ATRNL1: variants seen among roughly 807,000 people sequenced by gnomAD.
ATRNL1 encodes attractin-like protein 1.
A neutral mutation model predicts 182.7 loss-of-function variants in ATRNL1; 95 were observed. The ratio of observed to expected loss-of-function variants is 0.52; its 90% CI spans 0.44 to 0.62. ATRNL1 has a LOEUF of 0.62. Among genes scored for constraint, ATRNL1 ranks in the 20% least tolerant of loss-of-function variants. The pLI is 0.00. For synonymous variants in ATRNL1, 576 were observed against 568.3 expected (o/e 1.01, Z -0.19); for missense variants, 1,471 against 1,679.5 (o/e 0.88, Z 2.17).
chr10:115,367,968 T>C (rs1857151717), intron 19 of ATRNL1, among the ~76,000 whole-genome samples: 1 of 151,852 alleles, frequency 6.6e-6, no homozygotes. Flanking sequence ...TACTGCTGTC[T>C]TTTTGTTTGT....
At chr10:115,652,255 G>T (rs1463918936) in intron 26 of ATRNL1, among the ~76,000 whole-genome samples, 3 of 151,050 alleles carry the variant, frequency 2.0e-5, no homozygotes, top group Non-Finnish European at 4.4e-5. Flanking sequence ...CCATTATACT[G>T]ACACAGTCTA....
chr10:115,878,164 T>A (rs1951741555), intron 28 of ATRNL1, among the ~76,000 whole-genome samples: 1 of 152,228 alleles, frequency 6.6e-6, no homozygotes, highest in Admixed American at 6.5e-5. Context: ...AATGGAAGAA[T>A]CTTTGCTGAA....
chr10:115,875,503 T>C (rs1555107008), intron 28 of ATRNL1, among the ~76,000 whole-genome samples: 1 of 152,100 alleles, frequency 6.6e-6, no homozygotes, highest in East Asian at 1.9e-4. Context: ...CCCAAAGAAA[T>C]TCCCCAAACT....
At chr10:115,178,576 T>G (rs1554887255) in intron 8 of ATRNL1, among the ~76,000 whole-genome samples, 3 of 152,186 alleles carry the variant, frequency 2.0e-5, no homozygotes, top group Non-Finnish European at 4.4e-5. Context: ...AAATTCATGT[T>G]GAAACCTAAT....
In ATRNL1 at chr10:115,426,266, C is replaced by A. The variant is rs1554962881; in HGVS notation, c.3286C>A (p.Arg1096Ser). The A allele has an allele frequency of 1.9e-6, 3 of 1,611,878 alleles. No homozygotes were observed. In the Admixed American group the frequency reaches 5.0e-5, roughly 27 times the overall value. The change falls in exon 21 of 29, where the codon CGC becomes AGC. Residue 1096 changes from arginine to serine, a missense_variant. Arg to Ser is a moderately radical substitution (Grantham distance 110, BLOSUM62 -1). Transcript: ENST00000355044. ...DQCQLCDSEN[R>S]YVGNPLRGTC... ...TTTCTGCAGATGTGACTCTGAAAAT[C>A]GCTATGTTGGTAATCCACTTAGAGG... is the stretch of plus-strand genomic sequence containing the variant.
At chr10:115,651,735 A>G (rs1219986708) in intron 26 of ATRNL1, among the ~76,000 whole-genome samples, 1 of 152,166 alleles carries the variant, frequency 6.6e-6, no homozygotes, top group Non-Finnish European at 1.5e-5. Flanking sequence ...ATGTGTTTCT[A>G]TTGGGATTAA....
At chr10:115,885,607 T>C (rs1951925710) in intron 28 of ATRNL1, among the ~76,000 whole-genome samples, 1 of 152,186 alleles carries the variant, frequency 6.6e-6, no homozygotes, top group South Asian at 2.1e-4. Flanking sequence ...CAGAAGAAAA[T>C]AGAAATCACT....
chr10:115,094,063 C>A lies in ATRNL1; in HGVS notation c.293+20C>A. The stretch of plus-strand genomic sequence containing the variant: ...GTTCAAGTAAGTGCCTTCGCCGGAC[C>A]CCGAACCTCCAGCCCTGCCTCGCTC... On this transcript the variant is annotated intron_variant, in intron 1 of 28. Transcript: ENST00000355044. The A allele has an allele frequency of 2.1e-6, 3 of 1,436,808 alleles. No homozygotes were observed. Among genetic ancestry groups the A allele is most frequent in the Non-Finnish European group, 2.8e-6 (3 of 1,088,306 alleles). 89.0% of individuals were successfully genotyped at this position (1,436,808 alleles called of 1,614,324 possible). A position where few individuals can be genotyped will look rare whatever the true frequency, so the allele number is the denominator to read the frequency against.
chr10:115,108,311 TTCA>T (rs1450980155), intron 1 of ATRNL1, among the ~76,000 whole-genome samples: 2 of 152,142 alleles, frequency 1.3e-5, no homozygotes, highest in Non-Finnish European at 2.9e-5. Context: ...TACCCTGGGG[TTCA>T]TCATCATGCA....
chr10:115,240,418 A>G (rs1475050968), intron 9 of ATRNL1, among the ~76,000 whole-genome samples: 4 of 151,672 alleles, frequency 2.6e-5, no homozygotes, highest in Non-Finnish European at 4.4e-5. Context: ...TGCCCGGGTA[A>G]TTTTTTGTGT....
chr10:115,322,123 T>C (rs1554931702), intron 18 of ATRNL1, among the ~76,000 whole-genome samples: 1 of 152,124 alleles, frequency 6.6e-6, no homozygotes, highest in African/African-American at 2.4e-5. Context: ...TTCAGATTTA[T>C]ATTACTACCA....
intron 10 of ATRNL1, among the ~76,000 whole-genome samples, chr10:115,260,159 C>A (rs967051645): frequency 2.6e-5 from 4 of 152,094 alleles, no homozygotes; most frequent in African/African-American, 7.2e-5. Flanking sequence ...TATTACTGTA[C>A]TGTAATGTTT....
intron 1 of ATRNL1, among the ~76,000 whole-genome samples, chr10:115,103,161 C>T (rs1385926153): frequency 2.6e-5 from 4 of 151,678 alleles, no homozygotes; most frequent in Non-Finnish European, 5.9e-5. Context: ...CCTCAGCCTC[C>T]TGAGTAGCTG....
chr10:115,573,601 T>G (rs1438274431), intron 26 of ATRNL1, among the ~76,000 whole-genome samples: 1 of 152,088 alleles, frequency 6.6e-6, no homozygotes, highest in African/African-American at 2.4e-5. Flanking sequence ...CTACCCAGTA[T>G]TTCCCTGTCT....
At position 115,268,308 on chromosome 10, in the gene ATRNL1, C is replaced by T. The variant is rs1554911543; in HGVS notation, c.1982-18C>T. ...TTTCTTTTCCGTGCTGATATATCGT[C>T]CCCCATTTGTATTATAGCTGCTTCT... On this transcript the variant is annotated intron_variant, in intron 12 of 28. Transcript: ENST00000355044. 4 of 1,404,098 alleles carry T rather than the reference C, an allele frequency of 2.8e-6. No homozygotes were observed. In the East Asian group the frequency reaches 9.1e-5, roughly 32 times the overall value. The allele number at this position is 1,404,098 out of a possible 1,614,324, so 87.0% of individuals were successfully genotyped here.
At chr10:115,583,998 A>G (rs1855314156) in intron 26 of ATRNL1, among the ~76,000 whole-genome samples, 1 of 152,168 alleles carries the variant, frequency 6.6e-6, no homozygotes, top group Non-Finnish European at 1.5e-5. Flanking sequence ...TGCTGCTTCT[A>G]TTGAGATAGT....
chr10:115,656,474 A>G (rs12269447), intron 26 of ATRNL1, among the ~76,000 whole-genome samples: 1,777 of 152,202 alleles, frequency 0.012, 36 homozygotes, highest in African/African-American at 0.04. Flanking sequence ...TGTCTAAATG[A>G]TCCCAATCTG....
chr10:115,889,127 G>T (rs1469059869), intron 28 of ATRNL1, among the ~76,000 whole-genome samples: 1 of 152,162 alleles, frequency 6.6e-6, no homozygotes, highest in Non-Finnish European at 1.5e-5. Flanking sequence ...AATACAAGTT[G>T]CTGATTCAAT....
chr10:115,838,459 A>G (rs1222778358), intron 27 of ATRNL1, among the ~76,000 whole-genome samples: 2 of 152,204 alleles, frequency 1.3e-5, no homozygotes, highest in Non-Finnish European at 2.9e-5. Context: ...CAGTATTTGT[A>G]TCACTGATGG....
Sources: gnomAD v4.1 joint callset for allele counts (sites outside exome capture counted in the v4.1 genomes callset) on GRCh38, gnomAD v4.1.1 for gene constraint, MANE v1.5 for transcripts, NCBI Gene and HGNC (gene_info 2026-07-23, HGNC 2026-07-21) for gene names.